Variants in FAM135A observed in about 807,000 individuals in gnomAD.
FAM135A encodes protein FAM135A.
FAM135A carries 79 observed loss-of-function variants against 146.8 expected under a neutral mutation model. That is an observed-to-expected ratio of 0.54 (90% CI 0.45 to 0.65). FAM135A has a LOEUF of 0.65. Ranked by LOEUF, FAM135A falls within the 30% of genes least tolerant of loss-of-function variation. The pLI, the probability that FAM135A is intolerant of heterozygous loss-of-function variation, is 0.00. For synonymous variants in FAM135A, 562 were observed against 603.6 expected (o/e 0.93, Z 1.01); for missense variants, 1,623 against 1,758.2 (o/e 0.92, Z 1.38).
intron 5 of FAM135A, among the ~76,000 whole-genome samples, chr6:70,458,442 T>C (rs1040057008): frequency 6.6e-6 from 1 of 152,212 alleles, no homozygotes; most frequent in African/African-American, 2.4e-5. Flanking sequence ...TGCAAAGATA[T>C]GTGCAAAGCC....
intron 4 of FAM135A, among the ~76,000 whole-genome samples, chr6:70,430,204 G>A (rs2127787935): frequency 6.6e-6 from 1 of 152,194 alleles, no homozygotes. Flanking sequence ...AGGTGTGGTG[G>A]TGGACGCCTG....
chr6:70,479,747 T>G (rs961911829), intron 8 of FAM135A, among the ~76,000 whole-genome samples: 4 of 152,184 alleles, frequency 2.6e-5, no homozygotes, highest in African/African-American at 9.6e-5. Context: ...CATTATCTTT[T>G]AAATTTTCAT....
intron 2 of FAM135A, among the ~76,000 whole-genome samples, chr6:70,423,226 A>T (rs1769263110): frequency 6.6e-6 from 1 of 152,236 alleles, no homozygotes; most frequent in Non-Finnish European, 1.5e-5. Flanking sequence ...ATGAAGTCAG[A>T]GAAGATTCAG....
chr6:70,459,149 A>G (rs948309425), intron 5 of FAM135A, among the ~76,000 whole-genome samples: 2 of 151,820 alleles, frequency 1.3e-5, no homozygotes, highest in African/African-American at 2.4e-5. Context: ...ATTTTTCTCT[A>G]TGCTTTTTAT....
intron 17 of FAM135A, 103 bp from the exon 18 acceptor site, chr6:70,533,654 A>G: frequency 1.4e-6 from 1 of 704,188 alleles, no homozygotes; most frequent in South Asian, 1.9e-5. Flanking sequence ...CATTGAACTT[A>G]ACCATACTTT....
chr6:70,458,778 A>G (rs1234983405), intron 5 of FAM135A, among the ~76,000 whole-genome samples: 1 of 152,168 alleles, frequency 6.6e-6, no homozygotes, highest in Non-Finnish European at 1.5e-5. Context: ...TTCTGTCTAG[A>G]TGCATTTCCT....
intron 10 of FAM135A, among the ~76,000 whole-genome samples, chr6:70,487,640 A>G (rs1445394882): frequency 1.3e-5 from 2 of 152,140 alleles, no homozygotes; most frequent in Non-Finnish European, 2.9e-5. Flanking sequence ...ATTTATTGTC[A>G]TTCTTTCTGG....
chr6:70,422,227 C>T (rs528705179), intron 2 of FAM135A, among the ~76,000 whole-genome samples: 12 of 152,244 alleles, frequency 7.9e-5, no homozygotes, highest in East Asian at 5.8e-4. Context: ...GATAGTGTTA[C>T]GCCAGCAAGA....
chr6:70,476,296 A>T lies in FAM135A; in HGVS notation c.368+563A>T, dbSNP rs373728284. ...AAAACAAGAATCAGAGATTCACTTA[A>T]CAATTGTATTTATGCAGGGTTTTTT... On this transcript the variant is annotated intron_variant, in intron 7 of 21. Coordinates refer to ENST00000418814, the MANE Select transcript of FAM135A (RefSeq NM_001162529.3). Among the ~76,000 whole-genome samples the T allele has an allele frequency of 3.4e-4, 52 of 152,312 alleles. No homozygotes were observed. The East Asian group carries it at 6.2e-3, about 18-fold the overall frequency.
chr6:70,477,527 G>T (rs1301036411), intron 8 of FAM135A, among the ~76,000 whole-genome samples, 195 bp downstream of exon 8: 1 of 152,060 alleles, frequency 6.6e-6, no homozygotes, highest in Admixed American at 6.6e-5. Flanking sequence ...GAAATCAAAG[G>T]GGGAGCAGGC....
intron 20 of FAM135A, among the ~76,000 whole-genome samples, chr6:70,547,515 A>G (rs1306280989): frequency 1.3e-5 from 2 of 152,164 alleles, no homozygotes; most frequent in South Asian, 2.1e-4. Flanking sequence ...TGCCCACTAG[A>G]TGCCAGTAGC....
At chr6:70,520,837 C>T (rs1793400940) in intron 12 of FAM135A, among the ~76,000 whole-genome samples, 1 of 152,266 alleles carries the variant, frequency 6.6e-6, no homozygotes, top group East Asian at 1.9e-4. Context: ...ATAGCTACAG[C>T]ATGATAATTA....
In FAM135A at chr6:70,522,444, T is replaced by C. The variant is rs370465543; in HGVS notation, c.1030-69T>C. 9.7e-5 allele frequency: 135 copies of C among 1,386,838 alleles called. No individual in the cohort carries two copies. The African/African-American group carries it at 1.7e-3, about 17-fold the overall frequency. The allele number at this position is 1,386,838 out of a possible 1,614,324, so 85.9% of individuals were successfully genotyped here. On this transcript the variant is annotated intron_variant, in intron 12 of 21. Transcript: ENST00000418814. The stretch of plus-strand genomic sequence containing the variant: ...GCGTAATGGAGGCAGTTTCTCTCCT[T>C]ACCATAAGATGCCGGATTGACTTTT...
At position 70,524,814 on chromosome 6, in the gene FAM135A, C is replaced by T; in HGVS notation, c.1730C>T (p.Pro577Leu). Residue 577 changes from proline to leucine, a missense_variant, in exon 15 of 22, where the codon CCA (proline) becomes CTA (leucine). This residue lies in a region of FAM135A where 1,061 missense variants were observed against 1,113.8 expected (regional missense o/e 0.95). Transcript: ENST00000418814. ...AGTCAAAAGGAAGCTAGCTGTTTGCCAACTAATACAGAGAGAACTGAACAA... is the reference window on the plus strand; with the variant it reads ...AGTCAAAAGGAAGCTAGCTGTTTGCTAACTAATACAGAGAGAACTGAACAA... ...QTSQKEASCL[P>L]TNTERTEQKS... 6.4e-7 allele frequency: 1 copy of T among 1,561,440 alleles called. No individual in the cohort carries two copies. The highest frequency in any genetic ancestry group is 8.7e-7 in the Non-Finnish European group (1 of 1,152,116).
intron 20 of FAM135A, among the ~76,000 whole-genome samples, chr6:70,541,602 A>C (rs1013750608): frequency 6.6e-6 from 1 of 151,840 alleles, no homozygotes; most frequent in African/African-American, 2.4e-5. Flanking sequence ...CACTCTGTAC[A>C]TTCTTCTTGG....
rs1179072858 is a variant in FAM135A, at chr6:70,534,312, C to CTTTTTTTTTTTTTTTTTTTTTTTTTTT, written c.3965+483_3965+484insTTTTTTTTTTTTTTTTTTTTTTTTTTT. On this transcript the variant is annotated intron_variant, in intron 18 of 21. Transcript: ENST00000418814. Reference sequence around the variant, plus strand: ...CAAAAATACTTTCAAAGTTTGTATACTTTTTTTTTTTTTTTTTTTTTTTTT... The same window carrying CTTTTTTTTTTTTTTTTTTTTTTTTTTT: ...CAAAAATACTTTCAAAGTTTGTATACTTTTTTTTTTTTTTTTTTTTTTTTTTTTTTTTTTTTTTTTTTTTTTTTTTTT... 5.6e-5 allele frequency among the ~76,000 whole-genome samples: 5 copies of CTTTTTTTTTTTTTTTTTTTTTTTTTTT among 89,804 alleles called. 1 individual carries two copies. The highest frequency in any genetic ancestry group is 2.4e-4 in the African/African-American group (5 of 20,954). The allele number at this position is 89,804 out of a possible 152,430, so 58.9% of individuals were successfully genotyped here. A position where few individuals can be genotyped will look rare whatever the true frequency, so the allele number is the denominator to read the frequency against.
intron 11 of FAM135A, among the ~76,000 whole-genome samples, chr6:70,501,021 A>G (rs1021994833): frequency 5.9e-5 from 9 of 152,278 alleles, no homozygotes; most frequent in African/African-American, 1.9e-4. Flanking sequence ...TGCTCAGAGA[A>G]TCCCTTTTGT....
intron 20 of FAM135A, among the ~76,000 whole-genome samples, chr6:70,549,054 T>C (rs1271118670): frequency 6.6e-6 from 1 of 152,114 alleles, no homozygotes; most frequent in Non-Finnish European, 1.5e-5. Context: ...AACCTTCATA[T>C]ATTAGTGGTG....
chr6:70,436,146 T>C (rs1442147389), intron 4 of FAM135A, among the ~76,000 whole-genome samples: 1 of 148,600 alleles, frequency 6.7e-6, no homozygotes, highest in Non-Finnish European at 1.5e-5. Context: ...ATCGTGCCAC[T>C]GCACTCCAGC....
Sources: allele counts gnomAD v4.1 joint callset (sites outside exome capture counted in the v4.1 genomes callset), GRCh38; gene constraint gnomAD v4.1.1; regional missense constraint gnomAD v4.1.1; transcripts MANE v1.5; gene names NCBI Gene and HGNC (gene_info 2026-07-23, HGNC 2026-07-21).